CACNG4: variants seen among roughly 807,000 people sequenced by gnomAD.
The protein encoded by CACNG4 is voltage-dependent calcium channel gamma-4 subunit.
Under a neutral mutation model 22.9 loss-of-function variants are expected in CACNG4, and 8 were observed. That is an observed-to-expected ratio of 0.35 (90% CI 0.21 to 0.63). The LOEUF is 0.63. CACNG4 is among the 30% of genes least tolerant of loss of function. The pLI, the probability that CACNG4 is intolerant of heterozygous loss-of-function variation, is 0.72. For synonymous variants in CACNG4, 188 were observed against 191.9 expected, an observed-to-expected ratio of 0.98 and a Z score of 0.17; for missense variants, 357 against 455.4, an observed-to-expected ratio of 0.78 and a Z score of 1.97.
At chr17:66,999,673 C>G (rs1165613826) in intron 1 of CACNG4, among the ~76,000 whole-genome samples, 1 of 152,134 alleles carries the variant, frequency 6.6e-6, no homozygotes, top group East Asian at 1.9e-4. Flanking sequence ...CCCCCATGAT[C>G]CAATCACCTC....
At chr17:66,976,248 T>C (rs1254854858) in intron 1 of CACNG4, among the ~76,000 whole-genome samples, 1 of 152,132 alleles carries the variant, frequency 6.6e-6, no homozygotes, top group East Asian at 1.9e-4. Context: ...GTCTTTGGCT[T>C]GTCACTCAAC....
Position 67,018,073 on chromosome 17 carries a change from C to G in CACNG4, c.221-116C>G, listed in dbSNP as rs556874508. 1,383 of 749,384 alleles carry G rather than the reference C, an allele frequency of 1.8e-3. 17 individuals carry two copies. The highest frequency in any genetic ancestry group is 0.012 in the South Asian group (739 of 60,832). The allele number at this position is 749,384 out of a possible 1,614,324, so 46.4% of individuals were successfully genotyped here. ...GAACGCTGGAGCCTGCCTTTCTTCT[C>G]TGTCTGTCCCCAGGACCTGCACAGA... On this transcript the variant is annotated intron_variant, in intron 1 of 3. Coordinates refer to ENST00000262138, the MANE Select transcript of CACNG4 (RefSeq NM_014405.4).
At chr17:66,980,213 T>C (rs1486647342) in intron 1 of CACNG4, among the ~76,000 whole-genome samples, 1 of 152,262 alleles carries the variant, frequency 6.6e-6, no homozygotes, top group African/African-American at 2.4e-5. Flanking sequence ...CTTTATTTCC[T>C]GTCAGCACAA....
chr17:66,965,185 CAT>C lies in CACNG4; in HGVS notation c.220+58_220+59del, dbSNP rs372960600. Reference sequence around the variant, plus strand: ...CCACACACACACACACACACACACACATATACACACGCGCGCGCGCGCGCGCG... The same window carrying C: ...CCACACACACACACACACACACACACATACACACGCGCGCGCGCGCGCGCG... On this transcript the variant is annotated intron_variant, in intron 1 of 3. Transcript: ENST00000262138. 4,518 of 951,968 alleles carry C rather than the reference CAT, an allele frequency of 4.7e-3. 4 individuals carry two copies. The highest frequency in any genetic ancestry group is 0.011 in the South Asian group (641 of 58,312). The allele number at this position is 951,968 out of a possible 1,614,324, so 59.0% of individuals were successfully genotyped here.
At chr17:67,015,944 G>A (rs1229197231) in intron 1 of CACNG4, among the ~76,000 whole-genome samples, 8 of 152,190 alleles carry the variant, frequency 5.3e-5, no homozygotes, top group Admixed American at 4.6e-4. Flanking sequence ...AGGAGTGAGA[G>A]GGGATGTAGC....
At position 67,030,991 on chromosome 17, in the gene CACNG4, C is replaced by G; in HGVS notation, c.971C>G (p.Thr324Arg). ...GFHVSMLNRR[T>R]TPV ...CACGTCAGCATGCTGAACCGACGGACGACCCCTGTGTGAGCCGCCTGCCCT... is the reference window on the plus strand; with the variant it reads ...CACGTCAGCATGCTGAACCGACGGAGGACCCCTGTGTGAGCCGCCTGCCCT... The change falls in exon 4 of 4, where the codon ACG becomes AGG. Residue 324 changes from threonine to arginine, a missense_variant. Thr to Arg is a moderately conservative substitution (Grantham distance 71). Coordinates refer to ENST00000262138, the MANE Select transcript of CACNG4 (RefSeq NM_014405.4). This position sits in a 1 kb window ranked among gnomAD's most constrained non-coding sequence, Gnocchi z 6.4. The G allele has an allele frequency of 6.2e-7, 1 of 1,611,354 alleles. No homozygotes were observed. The highest frequency in any genetic ancestry group is 8.5e-7 in the Non-Finnish European group (1 of 1,178,128).
chr17:67,024,722 C>T (rs1013805042), intron 2 of CACNG4, 138 bp from the exon 3 acceptor site: 9 of 997,800 alleles, frequency 9.0e-6, no homozygotes, highest in Non-Finnish European at 1.2e-5. Context: ...CACCTCGAGT[C>T]TCCAGGTCCT....
intron 3 of CACNG4, among the ~76,000 whole-genome samples, chr17:67,029,720 G>A (rs1016886031): frequency 2.0e-5 from 3 of 152,188 alleles, no homozygotes; most frequent in South Asian, 4.1e-4. Flanking sequence ...TTGTGGCGGC[G>A]AATGTTCCAC....
intron 1 of CACNG4, among the ~76,000 whole-genome samples, chr17:66,980,620 CTTTTTTTTTTT>C (rs67051865): frequency 9.3e-6 from 1 of 107,030 alleles, no homozygotes; most frequent in Non-Finnish European, 1.8e-5. Context: ...TGTGTAAATT[CTTTTTTTTTTT>C]TTTTTTTTTG....
chr17:66,973,556 C>T (rs889518027), intron 1 of CACNG4, among the ~76,000 whole-genome samples: 4 of 152,198 alleles, frequency 2.6e-5, no homozygotes, highest in Non-Finnish European at 5.9e-5. Flanking sequence ...CCCTTGGGTG[C>T]GTACCTGGGC....
chr17:67,012,948 A>G (rs190576221), intron 1 of CACNG4, among the ~76,000 whole-genome samples: 61 of 152,352 alleles, frequency 4.0e-4, no homozygotes, highest in African/African-American at 1.4e-3. Flanking sequence ...ACAAAGGATT[A>G]TATGAATGAG....
chr17:66,992,087 G>A (rs1057095593), intron 1 of CACNG4, among the ~76,000 whole-genome samples: 2 of 151,976 alleles, frequency 1.3e-5, no homozygotes, highest in African/African-American at 2.4e-5. Flanking sequence ...CTTGGAGCAC[G>A]GGGTTTGTGC....
rs1399107211 is a variant in CACNG4, at chr17:66,964,750, G to A, written c.-162G>A. Among the ~76,000 whole-genome samples, 4 of 145,644 alleles carry A rather than the reference G, an allele frequency of 2.7e-5. No individual in the cohort carries two copies. Among genetic ancestry groups the A allele is most frequent in the Non-Finnish European group, 6.1e-5 (4 of 65,632 alleles). On this transcript the variant is annotated 5_prime_UTR_variant, in exon 1 of 4. Coordinates refer to ENST00000262138, the MANE Select transcript of CACNG4 (RefSeq NM_014405.4). Reference sequence around the variant, plus strand: ...GAGTTTGAGCCCCAGCGCTGCCGGAGCGCAGGCACGCCCGGGGCGCGGGGT... The same window carrying A: ...GAGTTTGAGCCCCAGCGCTGCCGGAACGCAGGCACGCCCGGGGCGCGGGGT...
chr17:67,024,031 G>A (rs760296664), intron 2 of CACNG4, among the ~76,000 whole-genome samples: 42 of 152,286 alleles, frequency 2.8e-4, no homozygotes, highest in Non-Finnish European at 4.6e-4. Flanking sequence ...AGCTGTCCCC[G>A]GTCAGCTAAT....
chr17:66,971,015 T>A (rs1389498527), intron 1 of CACNG4, among the ~76,000 whole-genome samples: 1 of 152,002 alleles, frequency 6.6e-6, no homozygotes, highest in African/African-American at 2.4e-5. Flanking sequence ...AGACCCTGAG[T>A]GTCAGAGGCG....
At position 66,964,937 on chromosome 17, in the gene CACNG4, A is replaced by C; in HGVS notation, c.26A>C (p.Gln9Pro). 1 of 1,588,042 alleles carries C rather than the reference A, an allele frequency of 6.3e-7. No individual in the cohort carries two copies. Among genetic ancestry groups the C allele is most frequent in the Non-Finnish European group, 8.5e-7 (1 of 1,169,746 alleles). The stretch of plus-strand genomic sequence containing the variant: ...ATGGTGCGATGCGACCGCGGGCTGC[A>C]GATGCTGCTGACCACGGCCGGAGCC... MVRCDRGL[Q>P]MLLTTAGAFA... The change falls in exon 1 of 4, where the codon CAG becomes CCG. Residue 9 changes from glutamine to proline, a missense_variant. By Grantham distance (76) the Gln-to-Pro change is moderately conservative. Around this residue, in one of 3 missense-constraint regions of CACNG4, gnomAD observed 114 missense variants for 161.6 expected, o/e 0.71. Coordinates refer to ENST00000262138, the MANE Select transcript of CACNG4 (RefSeq NM_014405.4).
At position 67,032,451 on chromosome 17, in the gene CACNG4, T is replaced by A. The variant is rs184518616; in HGVS notation, c.*1447T>A. On this transcript the variant is annotated 3_prime_UTR_variant, in exon 4 of 4. Coordinates refer to ENST00000262138, the MANE Select transcript of CACNG4 (RefSeq NM_014405.4). ...TCCACCCTGGAACAGTCGCCTGTAG[T>A]CCTGGTAGCTGTTGTGCTTGGAAAT... 1 of 176,618 alleles carries A rather than the reference T, an allele frequency of 5.7e-6. No individual in the cohort carries two copies. The highest frequency in any genetic ancestry group is 2.4e-5 in the African/African-American group (1 of 41,914). 10.9% of individuals were successfully genotyped at this position (176,618 alleles called of 1,614,324 possible).
intron 1 of CACNG4, among the ~76,000 whole-genome samples, chr17:66,981,652 A>C (rs1430825917): frequency 6.6e-6 from 1 of 152,174 alleles, no homozygotes; most frequent in Admixed American, 6.5e-5. Context: ...GACGGTGCTC[A>C]GGCGAGCCCG....
chr17:66,992,766 C>G (rs369691339), intron 1 of CACNG4, among the ~76,000 whole-genome samples: 41 of 152,362 alleles, frequency 2.7e-4, no homozygotes, highest in African/African-American at 9.9e-4. Flanking sequence ...CTGGACTTCC[C>G]AGACACTAAA....
Sources: gnomAD v4.1 joint callset for allele counts (sites outside exome capture counted in the v4.1 genomes callset) on GRCh38, gnomAD v4.1.1 for gene constraint, gnomAD v4.1.1 regional missense constraint, Gnocchi (gnomAD v3.1) non-coding constraint, MANE v1.5 for transcripts, NCBI Gene and HGNC (gene_info 2026-07-23, HGNC 2026-07-21) for gene names.